PUM2: variants seen among roughly 807,000 people sequenced by gnomAD.
The protein encoded by PUM2 is pumilio RNA binding family member 2.
Under a neutral mutation model 124.5 loss-of-function variants are expected in PUM2, and 57 were observed. The ratio of observed to expected loss-of-function variants is 0.46; its 90% CI spans 0.37 to 0.57. The LOEUF is 0.57. PUM2 is among the 20% of genes least tolerant of loss of function. The pLI is 0.00. For synonymous variants in PUM2, 460 were observed against 446.1 expected, an observed-to-expected ratio of 1.03 and a Z score of -0.39; for missense variants, 1,065 against 1,290.6, an observed-to-expected ratio of 0.83 and a Z score of 2.68.
chr2:20,291,888 T>A (rs1010899793), intron 9 of PUM2, among the ~76,000 whole-genome samples: 4 of 152,134 alleles, frequency 2.6e-5, no homozygotes, highest in African/African-American at 9.7e-5. Flanking sequence ...TTAATCTTGT[T>A]GCTTTAGGAA....
chr2:20,334,873 T>G lies in PUM2; in HGVS notation c.-18-7495A>C, dbSNP rs184652572. 4.6e-3 allele frequency among the ~76,000 whole-genome samples: 699 copies of G among 152,296 alleles called. 2 individuals carry two copies. Among genetic ancestry groups the G allele is most frequent in the Non-Finnish European group, 5.5e-3 (375 of 68,026 alleles). On this transcript the variant is annotated intron_variant, in intron 1 of 20. Transcript: ENST00000361078. Reference sequence around the variant, plus strand: ...ACAACAAAATTACATAAAAACCTAGTTGAGTCACAAATAAGTCAATACACA... The same window carrying G: ...ACAACAAAATTACATAAAAACCTAGGTGAGTCACAAATAAGTCAATACACA...
At chr2:20,259,565 A>T (rs1288310297) in intron 15 of PUM2, among the ~76,000 whole-genome samples, 1 of 152,168 alleles carries the variant, frequency 6.6e-6, no homozygotes, top group African/African-American at 2.4e-5. Context: ...TGTTTCACTT[A>T]AGTTAGTATT....
Position 20,248,777 on chromosome 2 carries a change from AATTT to A in PUM2, c.*2804_*2807del, listed in dbSNP as rs369899444. On this transcript the variant is annotated 3_prime_UTR_variant, in exon 21 of 21. Coordinates refer to ENST00000361078, the MANE Select transcript of PUM2 (RefSeq NM_015317.5). ...GTTATTCACACATTTTTCATTTTCT[AATTT>A]ATACATAATATACAAAGAAGTGAAG... 4.6e-5 allele frequency: 7 copies of A among 152,776 alleles called. No individual in the cohort carries two copies. The East Asian group carries it at 9.6e-4, about 21-fold the overall frequency. The allele number at this position is 152,776 out of a possible 1,614,324, so 9.5% of individuals were successfully genotyped here.
chr2:20,263,098 A>C, intron 14 of PUM2, 95 bp downstream of exon 14: 1 of 1,252,834 alleles, frequency 8.0e-7, no homozygotes, highest in Non-Finnish European at 1.1e-6. Flanking sequence ...AAAGCTTCCA[A>C]CTTTAATGCA....
At chr2:20,341,266 G>C (rs1205727448) in intron 1 of PUM2, among the ~76,000 whole-genome samples, 1 of 151,752 alleles carries the variant, frequency 6.6e-6, no homozygotes, top group Non-Finnish European at 1.5e-5. Context: ...CAACACAAAT[G>C]AATTAACTAT....
At chr2:20,280,221 A>C (rs1671190518) in intron 12 of PUM2, among the ~76,000 whole-genome samples, 1 of 152,146 alleles carries the variant, frequency 6.6e-6, no homozygotes. Flanking sequence ...CACATTAGGC[A>C]AAAGATTATA....
intron 8 of PUM2, among the ~76,000 whole-genome samples, chr2:20,295,531 C>CA (rs1256927741): frequency 5.4e-5 from 8 of 148,534 alleles, no homozygotes; most frequent in African/African-American, 1.7e-4. Flanking sequence ...TAGAGTTTAC[C>CA]AAAAAAAGGG....
chr2:20,313,457 G>T (rs1036575504), intron 3 of PUM2, among the ~76,000 whole-genome samples: 6 of 152,166 alleles, frequency 3.9e-5, no homozygotes, highest in Admixed American at 6.5e-5. Flanking sequence ...AGGATCAGTT[G>T]CTTATAAACA....
chr2:20,282,464 C>T (rs925174841), intron 12 of PUM2, among the ~76,000 whole-genome samples: 2 of 152,112 alleles, frequency 1.3e-5, no homozygotes, highest in African/African-American at 4.8e-5. Flanking sequence ...TATACATACA[C>T]ATATGTATTT....
Position 20,278,685 on chromosome 2 carries a change from G to A in PUM2, c.1855C>T (p.Pro619Ser). 6.2e-7 allele frequency: 1 copy of A among 1,613,550 alleles called. No homozygotes were observed. The highest frequency in any genetic ancestry group is 8.5e-7 in the Non-Finnish European group (1 of 1,179,682). The change falls in exon 13 of 21, where the codon CCA becomes TCA. Residue 619 changes from proline to serine, a missense_variant. Pro to Ser is a moderately conservative substitution (Grantham distance 74). This residue lies in a region of PUM2 where 968 missense variants were observed against 1,159.8 expected (regional missense o/e 0.83). Coordinates refer to ENST00000361078, the MANE Select transcript of PUM2 (RefSeq NM_015317.5). ...FYNSLGFSSS[P>S]SPIGMPLPSQ... ...GGCAGAGGCATGCCTATTGGACTTG[G>A]AGAGGAGGAAAATCCCAGACTATTG...
intron 3 of PUM2, among the ~76,000 whole-genome samples, chr2:20,317,024 C>CT (rs1681113074): frequency 6.6e-6 from 1 of 151,752 alleles, no homozygotes; most frequent in African/African-American, 2.4e-5. Flanking sequence ...GAGCGAGACT[C>CT]TGTCTCAGGG....
chr2:20,297,476 GA>G lies in PUM2; in HGVS notation c.1009+76del, dbSNP rs1675898741. On this transcript the variant is annotated intron_variant, in intron 8 of 20. Coordinates refer to ENST00000361078, the MANE Select transcript of PUM2 (RefSeq NM_015317.5). ...TTAGGAATTTCAAATTGCCCAAATA[GA>G]GAAAAATAAAGCTTACACCCAAAAC... 6 of 1,285,158 alleles carry G rather than the reference GA, an allele frequency of 4.7e-6. No homozygotes were observed. The South Asian group carries it at 1.2e-4, about 26-fold the overall frequency. The allele number at this position is 1,285,158 out of a possible 1,614,324, so 79.6% of individuals were successfully genotyped here. A position where few individuals can be genotyped will look rare whatever the true frequency, so the allele number is the denominator to read the frequency against.
chr2:20,331,538 G>A (rs1403616380), intron 1 of PUM2, among the ~76,000 whole-genome samples: 1 of 149,524 alleles, frequency 6.7e-6, no homozygotes, highest in Non-Finnish European at 1.5e-5. Context: ...TCTAATCTAT[G>A]AGCCATGGTT....
intron 15 of PUM2, among the ~76,000 whole-genome samples, chr2:20,259,196 T>C (rs1007713219): frequency 2.0e-5 from 3 of 152,380 alleles, no homozygotes; most frequent in Admixed American, 6.5e-5. Flanking sequence ...TTACCAAAGA[T>C]TGACTACCAA....
At chr2:20,317,552 T>C (rs1170656598) in intron 3 of PUM2, among the ~76,000 whole-genome samples, 1 of 152,230 alleles carries the variant, frequency 6.6e-6, no homozygotes. Context: ...AATTTTATTA[T>C]TTTTAAACTT....
chr2:20,290,863 G>T, intron 9 of PUM2, 73 bp from the exon 10 acceptor site: 2 of 1,200,324 alleles, frequency 1.7e-6, no homozygotes, highest in Non-Finnish European at 2.2e-6. Context: ...GGACAACTGT[G>T]TATTTATTAC....
At chr2:20,323,734 A>T (rs1196717155) in intron 2 of PUM2, among the ~76,000 whole-genome samples, 1 of 152,050 alleles carries the variant, frequency 6.6e-6, no homozygotes, top group Admixed American at 6.6e-5. Context: ...AGGAAAACTG[A>T]CCAAGGTTAC....
rs151198909 is a variant in PUM2 at position 20,295,242 on chromosome 2, AAT to A, written c.1010-726_1010-725del. ...GATAATATTTGATTCCTAGAAAGTA[AAT>A]AGTTTTATGCACAATAAGCTTCACC... On this transcript the variant is annotated intron_variant, in intron 8 of 20. Transcript: ENST00000361078. Among the ~76,000 whole-genome samples, 61 of 152,300 alleles carry A rather than the reference AAT, an allele frequency of 4.0e-4. No homozygotes were observed. The East Asian group carries it at 9.3e-3, about 23-fold the overall frequency.
chr2:20,290,560 AAT>A (rs1673798938), intron 10 of PUM2, 90 bp downstream of exon 10: 1 of 1,332,672 alleles, frequency 7.5e-7, no homozygotes. Flanking sequence ...CAAGATTTTA[AAT>A]ACAGTTTGAT....
Sources: allele counts gnomAD v4.1 joint callset (sites outside exome capture counted in the v4.1 genomes callset), GRCh38; gene constraint gnomAD v4.1.1; regional missense constraint gnomAD v4.1.1; transcripts MANE v1.5; gene names NCBI Gene and HGNC (gene_info 2026-07-23, HGNC 2026-07-21).